The following COG3 variants were observed in gnomAD, a reference collection of about 807,000 sequenced individuals.
COG3 encodes the protein component of oligomeric golgi complex 3, also known as conserved oligomeric Golgi complex subunit 3.
Under a neutral mutation model 114.1 loss-of-function variants are expected in COG3, and 32 were observed. The observed-to-expected ratio is 0.28, with a 90% CI of 0.21 to 0.38. The LOEUF (loss-of-function observed/expected upper bound fraction) is 0.38, where lower values mean the gene tolerates loss of function less well. Among genes scored for constraint, COG3 ranks in the 10% least tolerant of loss-of-function variants. The pLI, the probability that COG3 is intolerant of heterozygous loss-of-function variation, is 1.00. For missense variants in COG3, 813 were observed against 973.2 expected, an observed-to-expected ratio of 0.84 and a Z score of 2.19; for synonymous variants, 352 against 365.7, an observed-to-expected ratio of 0.96 and a Z score of 0.43.
At chr13:45,513,396 T>C (rs111205561) in intron 16 of COG3, among the ~76,000 whole-genome samples, 19 of 47,542 alleles carry the variant, frequency 4.0e-4, no homozygotes, top group African/African-American at 2.2e-3. Flanking sequence ...ACATATAAAT[T>C]ATACATATAA....
intron 1 of COG3, among the ~76,000 whole-genome samples, chr13:45,475,038 C>T (rs1885775085): frequency 1.3e-5 from 2 of 152,070 alleles, no homozygotes; most frequent in South Asian, 4.1e-4. Flanking sequence ...CAAAGTGAGA[C>T]CTTGTCTGTG....
At chr13:45,467,622 A>G (rs1039729955) in intron 1 of COG3, among the ~76,000 whole-genome samples, 4 of 152,162 alleles carry the variant, frequency 2.6e-5, no homozygotes, top group African/African-American at 9.7e-5. Flanking sequence ...CGAGCTGGTT[A>G]TGCACACATC....
intron 2 of COG3, among the ~76,000 whole-genome samples, chr13:45,477,789 G>C (rs1262473925): frequency 6.6e-6 from 1 of 151,948 alleles, no homozygotes. Flanking sequence ...ACCACGCCAG[G>C]CTAATTTTTT....
intron 5 of COG3, among the ~76,000 whole-genome samples, chr13:45,481,581 T>A (rs1337618223): frequency 1.3e-5 from 2 of 152,176 alleles, no homozygotes; most frequent in African/African-American, 4.8e-5. Context: ...TTGAAGAAGA[T>A]TGTAAGAAGA....
rs181028421 is a variant in COG3 at position 45,481,798 on chromosome 13, A to G, written c.624+494A>G. On this transcript the variant is annotated intron_variant, in intron 5 of 22. Transcript: ENST00000349995. ...ACTCATAAATTAATCATAACTATGT[A>G]TAAGTCATGTTATTAAAATCGTTTA... Among the ~76,000 whole-genome samples the G allele has an allele frequency of 2.0e-5, 3 of 152,200 alleles. No homozygotes were observed. The East Asian group carries it at 5.8e-4, about 29-fold the overall frequency.
chr13:45,477,783 C>T (rs1164844918), intron 2 of COG3, among the ~76,000 whole-genome samples: 2 of 151,952 alleles, frequency 1.3e-5, no homozygotes, highest in Non-Finnish European at 2.9e-5. Context: ...GCCACCACCA[C>T]GCCAGGCTAA....
At chr13:45,504,565 T>C (rs73480415) in intron 14 of COG3, among the ~76,000 whole-genome samples, 9,055 of 152,258 alleles carry the variant, frequency 0.059, 672 homozygotes, top group African/African-American at 0.18. Flanking sequence ...GAAGTTGTTA[T>C]ATTTTTCCAT....
chr13:45,496,032 A>C (rs1320406687), intron 12 of COG3, 120 bp from the exon 13 acceptor site: 7 of 833,384 alleles, frequency 8.4e-6, no homozygotes, highest in Non-Finnish European at 1.3e-5. Flanking sequence ...GAATACAATC[A>C]CAGCCTCTGA....
chr13:45,491,054 C>A, intron 9 of COG3, 96 bp downstream of exon 9: 1 of 828,384 alleles, frequency 1.2e-6, no homozygotes, highest in Non-Finnish European at 2.0e-6. Flanking sequence ...TGAGCAATTG[C>A]CTTCCAGCTT....
chr13:45,520,816 CT>C (rs1872053747), intron 19 of COG3, among the ~76,000 whole-genome samples: 1 of 152,134 alleles, frequency 6.6e-6, no homozygotes, highest in Non-Finnish European at 1.5e-5. Context: ...TTACAGATAA[CT>C]TACAGTTTTT....
rs114262918 is a variant in COG3 at position 45,530,266 on chromosome 13, G to A, written c.2358+348G>A. On this transcript the variant is annotated intron_variant, in intron 21 of 22. Coordinates refer to ENST00000349995, the MANE Select transcript of COG3 (RefSeq NM_031431.4). ...TACTGGTGAGTAGTAGAAATAAATGGCTTGCAGTGGCAACCAAGGGATTAA... is the reference window on the plus strand; with the variant it reads ...TACTGGTGAGTAGTAGAAATAAATGACTTGCAGTGGCAACCAAGGGATTAA... Among the ~76,000 whole-genome samples the A allele has an allele frequency of 5.0e-3, 763 of 152,284 alleles. 6 individuals carry two copies. Among genetic ancestry groups the A allele is most frequent in the African/African-American group, 0.018 (743 of 41,556 alleles).
In COG3 at chr13:45,496,254, C is replaced by T. The variant is rs776157615; in HGVS notation, c.1430C>T (p.Thr477Met). 55 of 1,611,890 alleles carry T rather than the reference C, an allele frequency of 3.4e-5. No individual in the cohort carries two copies. Among genetic ancestry groups the T allele is most frequent in the East Asian group, 6.7e-5 (3 of 44,742 alleles). ...CACATCTATATTCAGACGGACATCA[C>T]GGGCTATAAACCAGCTCCTGGAGAT... ...RTHIYIQTDITGYKPAPGDLA... is the reference protein window; with the variant it reads ...RTHIYIQTDIMGYKPAPGDLA... The change falls in exon 13 of 23, where the codon ACG (threonine) becomes ATG (methionine). Residue 477 changes from threonine to methionine, a missense_variant. Coordinates refer to ENST00000349995, the MANE Select transcript of COG3 (RefSeq NM_031431.4).
Position 45,478,904 on chromosome 13 carries a change from C to T in COG3, c.322-101C>T, listed in dbSNP as rs368107835. 1.1e-5 allele frequency: 9 copies of T among 786,360 alleles called. No individual in the cohort carries two copies. In the African/African-American group the frequency reaches 1.4e-4, roughly 12 times the overall value. 48.7% of individuals were successfully genotyped at this position (786,360 alleles called of 1,614,324 possible). A position where few individuals can be genotyped will look rare whatever the true frequency, so the allele number is the denominator to read the frequency against. On this transcript the variant is annotated intron_variant, in intron 2 of 22. Transcript: ENST00000349995. The stretch of plus-strand genomic sequence containing the variant: ...TATGTCTGAGCCCTAAGCAATAAAA[C>T]TTGGATAACGTCTGTCCTTTTGACT...
Position 45,519,001 on chromosome 13 carries a change from A to G in COG3, c.2061A>G (p.Lys687=). Residue 687 remains lysine (K), a synonymous_variant, in exon 19 of 23, where the codon AAA becomes AAG. Coordinates refer to ENST00000349995, the MANE Select transcript of COG3 (RefSeq NM_031431.4). ...GAGAACATTATCTTGACTCTAAAAA[A>G]GACGTAGACCGTCATCTGAAATCGG... The part of the protein sequence containing the change: ...EIREHYLDSK[K]DVDRHLKSAC... 6.2e-7 allele frequency: 1 copy of G among 1,614,208 alleles called. No individual in the cohort carries two copies. The highest frequency in any genetic ancestry group is 8.5e-7 in the Non-Finnish European group (1 of 1,180,016).
intron 1 of COG3, among the ~76,000 whole-genome samples, chr13:45,473,297 C>A (rs993367589): frequency 2.0e-5 from 3 of 152,150 alleles, no homozygotes; most frequent in Non-Finnish European, 4.4e-5. Context: ...GGTTACTCTG[C>A]AAGACTGGTG....
intron 1 of COG3, among the ~76,000 whole-genome samples, chr13:45,473,018 C>T (rs1011180921): frequency 1.3e-5 from 2 of 152,152 alleles, no homozygotes; most frequent in Non-Finnish European, 2.9e-5. Context: ...TACAGGCGCC[C>T]GCCACCACGC....
Position 45,518,967 on chromosome 13 carries a change from C to T in COG3, c.2027C>T (p.Pro676Leu). The change falls in exon 19 of 23, where the codon CCT becomes CTT. Residue 676 changes from proline (P) to leucine (L), a missense_variant. By Grantham distance (98) the Pro-to-Leu change is moderately conservative. Around this residue, in one of 2 missense-constraint regions of COG3, gnomAD observed 389 missense variants for 542.6 expected, o/e 0.72. Coordinates refer to ENST00000349995, the MANE Select transcript of COG3 (RefSeq NM_031431.4). ...TGTTATCTTCTTTTTAAGGGTACTC[C>T]TGAGATAAGAGAACATTATCTTGAC... ...ALIEFLLEGT[P>L]EIREHYLDSK... The T allele has an allele frequency of 6.2e-7, 1 of 1,613,982 alleles. No individual in the cohort carries two copies. The highest frequency in any genetic ancestry group is 8.5e-7 in the Non-Finnish European group (1 of 1,179,956).
chr13:45,535,292 G>C lies in COG3; in HGVS notation c.*561G>C. The C allele has an allele frequency of 2.0e-6, 2 of 985,476 alleles. No homozygotes were observed. Among genetic ancestry groups the C allele is most frequent in the African/African-American group, 1.7e-5 (1 of 57,364 alleles). 61.0% of individuals were successfully genotyped at this position (985,476 alleles called of 1,614,324 possible). The stretch of plus-strand genomic sequence containing the variant: ...TTCTGCCTTCCTGGGAAGTCGGGGT[G>C]TCATCCTTTCCTCTGTTTGATGTGA... On this transcript the variant is annotated 3_prime_UTR_variant, in exon 23 of 23. Coordinates refer to ENST00000349995, the MANE Select transcript of COG3 (RefSeq NM_031431.4).
At chr13:45,527,106 G>A (rs1030737005) in intron 20 of COG3, among the ~76,000 whole-genome samples, 4 of 152,126 alleles carry the variant, frequency 2.6e-5, no homozygotes, top group Non-Finnish European at 4.4e-5. Flanking sequence ...CATAATTAAC[G>A]TATTGCTCTT....
Sources: allele counts gnomAD v4.1 joint callset (sites outside exome capture counted in the v4.1 genomes callset), GRCh38; gene constraint gnomAD v4.1.1; regional missense constraint gnomAD v4.1.1; transcripts MANE v1.5; gene names NCBI Gene and HGNC (gene_info 2026-07-23, HGNC 2026-07-21).